The following MUC13 variants were observed in gnomAD, a reference collection of about 807,000 sequenced individuals.
MUC13 encodes the protein mucin 13, cell surface associated.
A neutral mutation model predicts 48.3 loss-of-function variants in MUC13; 32 were observed. The observed-to-expected ratio is 0.66, with a 90% CI of 0.50 to 0.89. The LOEUF (loss-of-function observed/expected upper bound fraction) is 0.89, where lower values mean the gene tolerates loss of function less well. MUC13 is among the 40% of genes least tolerant of loss of function. MUC13 has a pLI of 0.00. For missense variants in MUC13, 571 were observed against 622.8 expected, an observed-to-expected ratio of 0.92 and a Z score of 0.88; for synonymous variants, 199 against 224.9, an observed-to-expected ratio of 0.88 and a Z score of 1.03.
At chr3:124,908,083 C>A in intron 11 of MUC13, 64 bp downstream of exon 11, 1 of 1,506,374 alleles carries the variant, frequency 6.6e-7, no homozygotes, top group Non-Finnish European at 9.1e-7. Context: ...ATTCAGCAAC[C>A]AGGTCTCTGC....
chr3:124,930,962 G>A (rs185999900), intron 1 of MUC13, among the ~76,000 whole-genome samples: 247 of 152,274 alleles, frequency 1.6e-3, no homozygotes, highest in Non-Finnish European at 2.4e-3. Context: ...TGCTTGTGCG[G>A]GGGTTCTTGC....
intron 1 of MUC13, among the ~76,000 whole-genome samples, chr3:124,930,698 C>T (rs1935781442): frequency 6.6e-6 from 1 of 152,166 alleles, no homozygotes; most frequent in South Asian, 2.1e-4. Flanking sequence ...GGGGAACACT[C>T]CATAATCACC....
chr3:124,922,591 CTTTTTTTTTTT>C (rs1242125220), intron 3 of MUC13, among the ~76,000 whole-genome samples: 1 of 85,452 alleles, frequency 1.2e-5, no homozygotes, highest in African/African-American at 4.7e-5. Context: ...GTTGCCTAGT[CTTTTTTTTTTT>C]TTTTTTTTTT....
chr3:124,919,211 C>A (rs13090332), intron 5 of MUC13, among the ~76,000 whole-genome samples: 1 of 151,638 alleles, frequency 6.6e-6, no homozygotes. Flanking sequence ...GTGGTGCACA[C>A]CCATAATCCC....
chr3:124,915,933 C>T (rs1482171421), intron 6 of MUC13, among the ~76,000 whole-genome samples: 1 of 152,226 alleles, frequency 6.6e-6, no homozygotes, highest in African/African-American at 2.4e-5. Context: ...CCATCTCAGC[C>T]TTCCAAAGTG....
rs375363552 is a variant in MUC13, at chr3:124,920,305, G to A, written c.745-16C>T. 1.6e-5 allele frequency: 25 copies of A among 1,579,428 alleles called. No individual in the cohort carries two copies. Among genetic ancestry groups the A allele is most frequent in the Non-Finnish European group, 2.0e-5 (23 of 1,164,322 alleles). ...CATCTTTAAACTGTGGAGGAAAACA[G>A]ATTTAATAACAAGTAAAAAAAATTT... On this transcript the variant is annotated splice_polypyrimidine_tract_variant and intron_variant, in intron 4 of 11. Coordinates refer to ENST00000616727, the MANE Select transcript of MUC13 (RefSeq NM_033049.4).
chr3:124,922,407 A>C, intron 3 of MUC13, 104 bp from the exon 4 acceptor site: 1 of 1,353,532 alleles, frequency 7.4e-7, no homozygotes, highest in Non-Finnish European at 9.9e-7. Context: ...ACATTATATA[A>C]CGACACTACA....
intron 11 of MUC13, among the ~76,000 whole-genome samples, chr3:124,907,147 T>C (rs2107666278): frequency 6.6e-6 from 1 of 152,364 alleles, no homozygotes; most frequent in Middle Eastern, 3.4e-3. Flanking sequence ...ACTAGCTTTA[T>C]CTCCTTTTTT....
At chr3:124,923,220 T>C (rs1352060270) in intron 3 of MUC13, among the ~76,000 whole-genome samples, 1 of 152,216 alleles carries the variant, frequency 6.6e-6, no homozygotes, top group Non-Finnish European at 1.5e-5. Context: ...AATCCATTTT[T>C]AGAGCTGAAG....
At chr3:124,910,540 G>A (rs759219062) in intron 9 of MUC13, 41 bp from the exon 10 acceptor site, 1 of 1,611,564 alleles carries the variant, frequency 6.2e-7, no homozygotes, top group South Asian at 1.1e-5. Context: ...CCAACAAGCT[G>A]GCCCCCAACT....
At chr3:124,934,310 G>A (rs113643126) in intron 1 of MUC13, among the ~76,000 whole-genome samples, 24,142 of 151,994 alleles carry the variant, frequency 0.16, 2,051 homozygotes, top group Middle Eastern at 0.26. Context: ...GGTGCCCACC[G>A]CCACACCTGG....
At position 124,906,273 on chromosome 3, in the gene MUC13, A is replaced by G. The variant is rs1532602; in HGVS notation, c.*470T>C. The G allele has an allele frequency of 0.53, 81,105 of 152,308 alleles. 21,895 individuals carry two copies. The highest frequency in any genetic ancestry group is 0.72 in the East Asian group (3,687 of 5,148). The allele number at this position is 152,308 out of a possible 1,614,324, so 9.4% of individuals were successfully genotyped here. On this transcript the variant is annotated 3_prime_UTR_variant, in exon 12 of 12. Coordinates refer to ENST00000616727, the MANE Select transcript of MUC13 (RefSeq NM_033049.4). ...AGAGTGAGCTTGTGACCCTTGAAAG[A>G]TGGTGGGTATCCCTTCTCATCCCCT...
At chr3:124,933,658 A>AAGCC (rs2107675375) in intron 1 of MUC13, among the ~76,000 whole-genome samples, 1 of 152,326 alleles carries the variant, frequency 6.6e-6, no homozygotes, top group South Asian at 2.1e-4. Context: ...ACCAAGATCC[A>AAGCC]AGCCCCCTTT....
rs775827464 is a variant in MUC13, at chr3:124,922,297, A to G, written c.644T>C (p.Val215Ala). The change falls in exon 4 of 12, where the codon GTA (valine) becomes GCA (alanine). Residue 215 changes from valine (V) to alanine (A), a missense_variant. Coordinates refer to ENST00000616727, the MANE Select transcript of MUC13 (RefSeq NM_033049.4). ...YNSSTCKKGK[V>A]FPGKISVTVS... is the part of the protein sequence containing the mutation. ...TGTCACTGAAATCTTCCCAGGGAAT[A>G]CCTTTCCTGAAAGTTAAGCAGAATC... The G allele has an allele frequency of 6.8e-6, 11 of 1,613,412 alleles. No homozygotes were observed. The Admixed American group carries it at 1.8e-4, about 27-fold the overall frequency.
chr3:124,913,329 A>G (rs1426025823), intron 7 of MUC13, 89 bp from the exon 8 acceptor site: 10 of 1,538,252 alleles, frequency 6.5e-6, no homozygotes, highest in East Asian at 2.3e-5. Flanking sequence ...TGTCTTTCAC[A>G]TTGCTTTTTC....
intron 2 of MUC13, among the ~76,000 whole-genome samples, chr3:124,925,266 G>A (rs986639743): frequency 3.9e-5 from 6 of 152,198 alleles, no homozygotes; most frequent in Non-Finnish European, 8.8e-5. Flanking sequence ...TTCTGGAAAA[G>A]GCAAAACTGT....
rs112950482 is a variant in MUC13 at position 124,908,518 on chromosome 3, C to T, written c.1338-170G>A. Among the ~76,000 whole-genome samples the T allele has an allele frequency of 1.1e-4, 17 of 152,276 alleles. No individual in the cohort carries two copies. The East Asian group carries it at 1.7e-3, about 16-fold the overall frequency. On this transcript the variant is annotated intron_variant, in intron 10 of 11. Coordinates refer to ENST00000616727, the MANE Select transcript of MUC13 (RefSeq NM_033049.4). ...CTCACACACTTATCACCCAGATTCCCTAATTATTAACATTTCTGAACCAAT... is the reference window on the plus strand; with the variant it reads ...CTCACACACTTATCACCCAGATTCCTTAATTATTAACATTTCTGAACCAAT...
chr3:124,920,250 C>T lies in MUC13; in HGVS notation c.784G>A (p.Val262Ile), dbSNP rs147560034. The T allele has an allele frequency of 4.2e-3, 6,816 of 1,606,936 alleles. 22 individuals are homozygous for T. The highest frequency in any genetic ancestry group is 5.2e-3 in the Non-Finnish European group (6,079 of 1,175,822). ...VFGTSVYGQT[V>I]ILTVSTSLSP... ...CAAACTTACCTTACAGTAAGAATTACAGTCTGTCCATAAACAGATGTGCCA... is the reference window on the plus strand; with the variant it reads ...CAAACTTACCTTACAGTAAGAATTATAGTCTGTCCATAAACAGATGTGCCA... The change falls in exon 5 of 12, where the codon GTA becomes ATA. Residue 262 changes from valine (V) to isoleucine (I), a missense_variant. Physicochemically the swap from Val to Ile is conservative, Grantham distance 29. Transcript: ENST00000616727.
At chr3:124,932,558 C>T (rs1046286525) in intron 1 of MUC13, among the ~76,000 whole-genome samples, 7 of 150,752 alleles carry the variant, frequency 4.6e-5, no homozygotes, top group African/African-American at 1.7e-4. Context: ...AAGAGTGAAA[C>T]TCGGTCTCAA....
Sources: gnomAD v4.1 joint callset for allele counts (sites outside exome capture counted in the v4.1 genomes callset) on GRCh38, gnomAD v4.1.1 for gene constraint, MANE v1.5 for transcripts, NCBI Gene and HGNC (gene_info 2026-07-23, HGNC 2026-07-21) for gene names.